Variants in MRC2 observed in about 807,000 individuals in gnomAD.
MRC2 encodes C-type mannose receptor 2.
MRC2 carries 84 observed loss-of-function variants against 206.2 expected under a neutral mutation model. The ratio of observed to expected loss-of-function variants is 0.41; its 90% CI spans 0.34 to 0.49. The LOEUF (loss-of-function observed/expected upper bound fraction) is 0.49. Among genes scored for constraint, MRC2 ranks in the 20% least tolerant of loss-of-function variants. MRC2 has a pLI of 0.31. For synonymous variants in MRC2, 798 were observed against 800.0 expected, an observed-to-expected ratio of 1.00 and a Z score of 0.04; for missense variants, 1,676 against 2,001.5, an observed-to-expected ratio of 0.84 and a Z score of 3.10.
chr17:62,664,527 G>C lies in MRC2; in HGVS notation c.119-21G>C, dbSNP rs776078336. On this transcript the variant is annotated intron_variant, in intron 1 of 29. Transcript: ENST00000303375. This position sits in a 1 kb window ranked among gnomAD's most constrained non-coding sequence, Gnocchi z 4.7. ...CCAGGAGAGCCCCTGTGATGCCTTC[G>C]TGTCTTGCCTTCCCTTCCAGAACCC... 1 of 1,590,584 alleles carries C rather than the reference G, an allele frequency of 6.3e-7. No individual in the cohort carries two copies. Among genetic ancestry groups the C allele is most frequent in the Non-Finnish European group, 8.6e-7 (1 of 1,168,660 alleles).
At chr17:62,631,301 C>A (rs555298894) in intron 1 of MRC2, among the ~76,000 whole-genome samples, 1 of 152,192 alleles carries the variant, frequency 6.6e-6, no homozygotes, top group South Asian at 2.1e-4. Context: ...CCTGTGCTGG[C>A]AGTAGCTCTT....
intron 1 of MRC2, among the ~76,000 whole-genome samples, chr17:62,637,898 G>A (rs971086960): frequency 6.6e-6 from 1 of 152,204 alleles, no homozygotes; most frequent in East Asian, 1.9e-4. Context: ...GTTTGAAACA[G>A]GGTCTTGCTC....
Position 62,692,797 on chromosome 17 carries a change from C to T in MRC2, c.*346C>T, listed in dbSNP as rs2147497887. On this transcript the variant is annotated 3_prime_UTR_variant, in exon 30 of 30. Transcript: ENST00000303375. The surrounding 1 kb of genome is among the most constrained non-coding windows in gnomAD (Gnocchi z 4.2). ...CGGCCCAGGCCTGTTGATCCGCGCC[C>T]CAGGACCCCCTTCTTTGCAGAGCCC... The T allele has an allele frequency of 1.1e-5, 3 of 276,016 alleles. No individual in the cohort carries two copies. The highest frequency in any genetic ancestry group is 2.1e-5 in the Non-Finnish European group (3 of 140,974). 17.1% of individuals were successfully genotyped at this position (276,016 alleles called of 1,614,324 possible). A position where few individuals can be genotyped will look rare whatever the true frequency, so the allele number is the denominator to read the frequency against.
Position 62,689,995 on chromosome 17 carries a change from G to C in MRC2, c.3675G>C (p.Val1225=). Residue 1225 remains valine (V), a synonymous_variant, in exon 25 of 30, where the codon GTG becomes GTC. Transcript: ENST00000303375. ...QQPGGCTYVD[V]DGAWRTTSCD... The stretch of plus-strand genomic sequence containing the variant: ...CGGGGGGCTGTACCTACGTAGATGT[G>C]GACGGGGCCTGGCGCACCACCAGCT... 6.2e-7 allele frequency: 1 copy of C among 1,612,500 alleles called. No homozygotes were observed. Among genetic ancestry groups the C allele is most frequent in the South Asian group, 1.1e-5 (1 of 91,008 alleles).
intron 1 of MRC2, among the ~76,000 whole-genome samples, chr17:62,659,266 G>A (rs747392212): frequency 2.0e-5 from 3 of 152,172 alleles, no homozygotes; most frequent in Admixed American, 6.5e-5. Context: ...CAGGCCGGGC[G>A]TGGTGGCTCA....
Position 62,680,808 on chromosome 17 carries a change from G to T in MRC2, c.2482G>T (p.Glu828Ter). The part of the protein sequence containing the change: ...EPDDSPQGRR[E>*]WLRFQEAEYK... Reference sequence around the variant, plus strand: ...CCGCGCTGCTCCTGCAGGCCGACGGGAATGGCTGCGCTTCCAGGAGGCCGA... The same window carrying T: ...CCGCGCTGCTCCTGCAGGCCGACGGTAATGGCTGCGCTTCCAGGAGGCCGA... Residue 828 changes from glutamate (E) to a stop codon, truncating the protein, a stop_gained, in exon 17 of 30, where the codon GAA becomes TAA. Coordinates refer to ENST00000303375, the MANE Select transcript of MRC2 (RefSeq NM_006039.5). LOFTEE classifies it high-confidence loss of function. The surrounding 1 kb of genome is among the most constrained non-coding windows in gnomAD (Gnocchi z 4.8). 6.2e-7 allele frequency: 1 copy of T among 1,610,698 alleles called. No homozygotes were observed.
At position 62,692,058 on chromosome 17, in the gene MRC2, G is replaced by A. The variant is rs1456050733; in HGVS notation, c.4193-54G>A. ...GTGTGCTTTGTATGTTTACTTAAGT[G>A]ATTATTACGATGATCACTGCTATTA... On this transcript the variant is annotated intron_variant, in intron 28 of 29. Transcript: ENST00000303375. This position sits in a 1 kb window ranked among gnomAD's most constrained non-coding sequence, Gnocchi z 4.2. 6 of 1,612,892 alleles carry A rather than the reference G, an allele frequency of 3.7e-6. No homozygotes were observed. The African/African-American group carries it at 8.0e-5, about 22-fold the overall frequency.
chr17:62,659,354 A>G (rs1047485790), intron 1 of MRC2, among the ~76,000 whole-genome samples: 1 of 152,202 alleles, frequency 6.6e-6, no homozygotes, highest in African/African-American at 2.4e-5. Context: ...AGCCTGGCCA[A>G]CATGGTGAAA....
At chr17:62,649,982 C>T (rs757659874) in intron 1 of MRC2, among the ~76,000 whole-genome samples, 13 of 151,806 alleles carry the variant, frequency 8.6e-5, no homozygotes, top group Non-Finnish European at 1.5e-4. Context: ...GCAACCTCCG[C>T]CTCCAGGGTT....
At chr17:62,669,643 T>G (rs4968705) in intron 6 of MRC2, among the ~76,000 whole-genome samples, 25 of 151,890 alleles carry the variant, frequency 1.6e-4, no homozygotes, top group Non-Finnish European at 2.4e-4. Flanking sequence ...GATTCTCATC[T>G]CCAGGTTCAA....
rs774628645 is a variant in MRC2 at position 62,672,080 on chromosome 17, C to T, written c.1389C>T (p.Phe463=). Residue 463 remains phenylalanine, a synonymous_variant, in exon 8 of 30, where the codon TTC becomes TTT. Transcript: ENST00000303375. The surrounding 1 kb of genome is among the most constrained non-coding windows in gnomAD (Gnocchi z 4.5). ...FEWSDGSLVS[F]THWHPFEPNN... Reference sequence around the variant, plus strand: ...GGTCTGACGGGAGCCTTGTGAGCTTCACCCACTGGCACCCCTTTGAGCCCA... The same window carrying T: ...GGTCTGACGGGAGCCTTGTGAGCTTTACCCACTGGCACCCCTTTGAGCCCA... 3.7e-6 allele frequency: 6 copies of T among 1,614,140 alleles called. No individual in the cohort carries two copies. The highest frequency in any genetic ancestry group is 5.1e-6 in the Non-Finnish European group (6 of 1,180,032).
In MRC2 at chr17:62,684,481, A is replaced by T. The variant is rs141817387; in HGVS notation, c.2946+2104A>T. On this transcript the variant is annotated intron_variant, in intron 20 of 29. Coordinates refer to ENST00000303375, the MANE Select transcript of MRC2 (RefSeq NM_006039.5). ...GGGGCACTGACATTAATCACTATGG[A>T]TGCATTTCTCAACACGTTTTTACAA... 2.7e-3 allele frequency among the ~76,000 whole-genome samples: 405 copies of T among 152,258 alleles called. 1 individual carries two copies. The highest frequency in any genetic ancestry group is 9.0e-3 in the African/African-American group (374 of 41,532).
intron 1 of MRC2, among the ~76,000 whole-genome samples, chr17:62,643,344 AAAAG>A (rs2088432868): frequency 2.0e-5 from 3 of 149,940 alleles, no homozygotes; most frequent in South Asian, 4.2e-4. Context: ...AAAAAAAAAA[AAAAG>A]AAAAAGAAAA....
intron 13 of MRC2, 92 bp downstream of exon 13, chr17:62,678,738 A>G (rs2147479954): frequency 6.4e-7 from 1 of 1,552,222 alleles, no homozygotes; most frequent in African/African-American, 1.4e-5. Flanking sequence ...TTGGGCGAGC[A>G]GGGGGATGGC....
rs925903663 is a variant in MRC2 at position 62,666,907 on chromosome 17, G to T, written c.973+37G>T. 28 of 1,537,960 alleles carry T rather than the reference G, an allele frequency of 1.8e-5. No homozygotes were observed. Among genetic ancestry groups the T allele is most frequent in the Non-Finnish European group, 2.4e-5 (27 of 1,114,246 alleles). ...GGTTGGGGGCGCAGGGCAGCATAGG[G>T]GCCCCGCGGGCTCTTGGCCTCCCAT... On this transcript the variant is annotated intron_variant, in intron 5 of 29. Coordinates refer to ENST00000303375, the MANE Select transcript of MRC2 (RefSeq NM_006039.5). This position sits in a 1 kb window ranked among gnomAD's most constrained non-coding sequence, Gnocchi z 5.0.
At position 62,666,917 on chromosome 17, in the gene MRC2, G is replaced by A. The variant is rs761436530; in HGVS notation, c.973+47G>A. 2.1e-6 allele frequency: 3 copies of A among 1,462,064 alleles called. No homozygotes were observed. The highest frequency in any genetic ancestry group is 2.8e-5 in the African/African-American group (2 of 71,876). 90.6% of individuals were successfully genotyped at this position (1,462,064 alleles called of 1,614,324 possible). The stretch of plus-strand genomic sequence containing the variant: ...GCAGGGCAGCATAGGGGCCCCGCGG[G>A]CTCTTGGCCTCCCATGGACTCCTCT... On this transcript the variant is annotated intron_variant, in intron 5 of 29. Coordinates refer to ENST00000303375, the MANE Select transcript of MRC2 (RefSeq NM_006039.5). The surrounding 1 kb of genome is among the most constrained non-coding windows in gnomAD (Gnocchi z 5.0).
Position 62,690,660 on chromosome 17 carries a change from C to A in MRC2, c.3911C>A (p.Ser1304Tyr). Residue 1304 changes from serine to tyrosine, a missense_variant, in exon 27 of 30, where the codon TCT (serine) becomes TAT (tyrosine). By Grantham distance (144) the Ser-to-Tyr change is moderately radical. Around this residue, in one of 3 missense-constraint regions of MRC2, gnomAD observed 1,354 missense variants for 1,636.6 expected, o/e 0.83. Coordinates refer to ENST00000303375, the MANE Select transcript of MRC2 (RefSeq NM_006039.5). The stretch of plus-strand genomic sequence containing the variant: ...CATCCAGCGGGTGGGGCCGTCCTGT[C>A]TATCCTGGATGAGATGGAGAATGTG... ...RCQRAGGAVL[S>Y]ILDEMENVFV... The A allele has an allele frequency of 6.2e-7, 1 of 1,611,632 alleles. No individual in the cohort carries two copies. Among genetic ancestry groups the A allele is most frequent in the Non-Finnish European group, 8.5e-7 (1 of 1,178,878 alleles).
rs2088569582 is a variant in MRC2, at chr17:62,652,652, A to G, written c.119-11896A>G. 1.3e-5 allele frequency among the ~76,000 whole-genome samples: 2 copies of G among 151,954 alleles called. No individual in the cohort carries two copies. The highest frequency in any genetic ancestry group is 4.8e-5 in the African/African-American group (2 of 41,352). On this transcript the variant is annotated intron_variant, in intron 1 of 29. Coordinates refer to ENST00000303375, the MANE Select transcript of MRC2 (RefSeq NM_006039.5). The surrounding 1 kb of genome is among the most constrained non-coding windows in gnomAD (Gnocchi z 4.6). ...GGCCACGCAGACCGGGCATTTGTCT[A>G]GCTGGGCGGGAGGCGGCGGAGCGGG...
chr17:62,677,940 C>T (rs2147479096), intron 12 of MRC2, among the ~76,000 whole-genome samples: 1 of 152,274 alleles, frequency 6.6e-6, no homozygotes, highest in East Asian at 1.9e-4. Context: ...GTCCCAGCTA[C>T]TCGGGAGGCT....
Sources: allele counts gnomAD v4.1 joint callset (sites outside exome capture counted in the v4.1 genomes callset), GRCh38; gene constraint gnomAD v4.1.1; regional missense constraint gnomAD v4.1.1; non-coding constraint Gnocchi (gnomAD v3.1); transcripts MANE v1.5; gene names NCBI Gene and HGNC (gene_info 2026-07-23, HGNC 2026-07-21).